SRGAP2: variants seen among roughly 807,000 people sequenced by gnomAD.
The protein encoded by SRGAP2 is SLIT-ROBO Rho GTPase-activating protein 2.
In SRGAP2, 15 loss-of-function variants were observed where a neutral mutation model predicts 57.2. The ratio of observed to expected loss-of-function variants is 0.26; its 90% CI spans 0.18 to 0.40. The LOEUF (loss-of-function observed/expected upper bound fraction) is 0.40, where lower values mean the gene tolerates loss of function less well. Ranked by LOEUF, SRGAP2 falls within the 10% of genes least tolerant of loss-of-function variation. The pLI is 1.00. For missense variants in SRGAP2, 520 were observed against 669.6 expected (o/e 0.78, Z 2.47); for synonymous variants, 249 against 248.0 (o/e 1.00, Z -0.04).
intron 4 of SRGAP2, among the ~76,000 whole-genome samples, chr1:206,370,655 T>A (rs1654455660): frequency 6.6e-6 from 1 of 152,168 alleles, no homozygotes; most frequent in Non-Finnish European, 1.5e-5. Context: ...TGATTAAATA[T>A]TCGGGACTTA....
chr1:206,414,483 C>T lies in SRGAP2; in HGVS notation c.1357-1406C>T, dbSNP rs529705707. ...TTAAAATGGTGCATCCACCTATCTA[C>T]CTCAGTGATCTCATATATCACCAGT... On this transcript the variant is annotated intron_variant, in intron 10 of 22. Transcript: ENST00000573034. Among the ~76,000 whole-genome samples the T allele has an allele frequency of 7.2e-5, 11 of 152,274 alleles. No homozygotes were observed. The East Asian group carries it at 2.1e-3, about 29-fold the overall frequency.
At chr1:206,457,689 G>T (rs1553378903) in intron 21 of SRGAP2, among the ~76,000 whole-genome samples, 1 of 152,196 alleles carries the variant, frequency 6.6e-6, no homozygotes, top group African/African-American at 2.4e-5. Context: ...CAGTGAACAG[G>T]ACTAGGACTG....
intron 16 of SRGAP2, among the ~76,000 whole-genome samples, chr1:206,439,565 A>G (rs1430616508): frequency 2.6e-5 from 4 of 152,038 alleles, no homozygotes; most frequent in Non-Finnish European, 5.9e-5. Flanking sequence ...GGTTGTTTGA[A>G]TAAGAGGGTG....
chr1:206,454,919 T>C lies in SRGAP2; in HGVS notation c.2402T>C (p.Ile801Thr). 2 of 780,344 alleles carry C rather than the reference T, an allele frequency of 2.6e-6. No individual in the cohort carries two copies. The highest frequency in any genetic ancestry group is 1.7e-5 in the African/African-American group (1 of 59,230). 48.3% of individuals were successfully genotyped at this position (780,344 alleles called of 1,614,324 possible). A position where few individuals can be genotyped will look rare whatever the true frequency, so the allele number is the denominator to read the frequency against. ...GAGAGGTCCAGCCCCAAGTCTGAGA[T>C]TGAGGTCATTTCTGAGCCACCTGAA... The part of the protein sequence containing the change: ...VVERSSPKSE[I>T]EVISEPPEEK... Residue 801 changes from isoleucine to threonine, a missense_variant, in exon 21 of 23, where the codon ATT (isoleucine) becomes ACT (threonine). This residue lies in a region of SRGAP2 where 478 missense variants were observed against 373.6 expected (regional missense o/e 1.28). Transcript: ENST00000573034. This position sits in a 1 kb window ranked among gnomAD's most constrained non-coding sequence, Gnocchi z 4.3.
intron 4 of SRGAP2, among the ~76,000 whole-genome samples, chr1:206,383,195 T>C (rs1333113388): frequency 1.4e-5 from 2 of 147,852 alleles, no homozygotes; most frequent in Non-Finnish European, 3.0e-5. Context: ...CGGCTAATTT[T>C]TGTATTTTTA....
intron 2 of SRGAP2, among the ~76,000 whole-genome samples, chr1:206,261,006 T>G (rs1669518985): frequency 6.6e-6 from 1 of 151,914 alleles, no homozygotes; most frequent in African/African-American, 2.4e-5. Context: ...TACTGTTCTA[T>G]CTCAGGTTTA....
At chr1:206,385,970 A>G (rs2103070595) in intron 5 of SRGAP2, among the ~76,000 whole-genome samples, 1 of 152,350 alleles carries the variant, frequency 6.6e-6, no homozygotes, top group African/African-American at 2.4e-5. Flanking sequence ...CTAGTAGGCA[A>G]TGGAAAGAGG....
At chr1:206,319,851 C>G (rs1312818941) in intron 3 of SRGAP2, among the ~76,000 whole-genome samples, 1 of 147,388 alleles carries the variant, frequency 6.8e-6, no homozygotes, top group African/African-American at 2.7e-5. Flanking sequence ...CTCTGTTGCC[C>G]AGGCTGGGGT....
rs1297207235 is a variant in SRGAP2 at position 206,307,352 on chromosome 1, C to A, written c.260+3879C>A. On this transcript the variant is annotated intron_variant, in intron 3 of 22. Coordinates refer to ENST00000573034, the MANE Select transcript of SRGAP2 (RefSeq NM_015326.5). ...TCCCTGAGCTACATATAAAGACTCT[C>A]CATGTCCCCACCAGACTCAGGAGCC... Among the ~76,000 whole-genome samples the A allele has an allele frequency of 6.4e-3, 982 of 152,400 alleles. 5 individuals are homozygous for A. The highest frequency in any genetic ancestry group is 0.023 in the African/African-American group (950 of 41,596).
intron 2 of SRGAP2, among the ~76,000 whole-genome samples, chr1:206,302,597 T>C (rs1285568100): frequency 6.6e-6 from 1 of 152,244 alleles, no homozygotes; most frequent in Non-Finnish European, 1.5e-5. Flanking sequence ...TTCTGTGATA[T>C]TGGAAACTGT....
At chr1:206,254,328 G>A (rs782014509) in intron 2 of SRGAP2, among the ~76,000 whole-genome samples, 4 of 147,834 alleles carry the variant, frequency 2.7e-5, no homozygotes, top group African/African-American at 5.1e-5. Flanking sequence ...AAACATTTAC[G>A]TTTGTACAGG....
At chr1:206,251,297 A>G (rs1668816374) in intron 2 of SRGAP2, among the ~76,000 whole-genome samples, 1 of 151,762 alleles carries the variant, frequency 6.6e-6, no homozygotes, top group Admixed American at 6.6e-5. Flanking sequence ...GGTTAAGGGA[A>G]GTTCAAGTCT....
rs1665879428 is a variant in SRGAP2, at chr1:206,205,943, A to T, written c.-28A>T. The T allele has an allele frequency of 6.6e-7, 1 of 1,524,772 alleles. No individual in the cohort carries two copies. The allele number at this position is 1,524,772 out of a possible 1,614,324, so 94.5% of individuals were successfully genotyped here. ...TTTTCCGTGGATCTATCAATTCACA[A>T]TTCGAATTTGGAAGAAAGAAGGAAA... is the stretch of plus-strand genomic sequence containing the variant. On this transcript the variant is annotated 5_prime_UTR_variant, in exon 2 of 23. Coordinates refer to ENST00000573034, the MANE Select transcript of SRGAP2 (RefSeq NM_015326.5).
intron 4 of SRGAP2, among the ~76,000 whole-genome samples, chr1:206,373,716 A>G (rs1407858756): frequency 1.3e-5 from 1 of 78,626 alleles, no homozygotes; most frequent in Non-Finnish European, 2.5e-5. Flanking sequence ...GCCTGGTGAT[A>G]GAGCGAGACT....
At chr1:206,248,740 A>C (rs1321118281) in intron 2 of SRGAP2, among the ~76,000 whole-genome samples, 9 of 151,306 alleles carry the variant, frequency 5.9e-5, no homozygotes, top group African/African-American at 2.2e-4. Flanking sequence ...AGATTTTCCA[A>C]GATCATCCTG....
chr1:206,245,365 A>AT (rs1209664007), intron 2 of SRGAP2, among the ~76,000 whole-genome samples: 7 of 151,554 alleles, frequency 4.6e-5, no homozygotes, highest in African/African-American at 9.7e-5. Flanking sequence ...TTTGCTACTA[A>AT]TTTTTTTGTG....
At chr1:206,287,107 A>G (rs2102705385) in intron 2 of SRGAP2, among the ~76,000 whole-genome samples, 2 of 152,336 alleles carry the variant, frequency 1.3e-5, no homozygotes, top group African/African-American at 4.8e-5. Context: ...TGGAGCTGAT[A>G]GGATTTGCTC....
intron 22 of SRGAP2, among the ~76,000 whole-genome samples, chr1:206,459,697 A>AT (rs1272107557): frequency 6.6e-6 from 1 of 152,180 alleles, no homozygotes; most frequent in African/African-American, 2.4e-5. Context: ...CTAAGGGCTT[A>AT]TTGTTGCCTT....
rs1280694545 is a variant in SRGAP2, at chr1:206,396,013, C to G, written c.831+2340C>G. On this transcript the variant is annotated intron_variant, in intron 7 of 22. Transcript: ENST00000573034. ...TTTTTTTTTTTTTGAGAAGGAGTCTCTCTCTGTCGCCCAGGCTGGAGTACG... is the reference window on the plus strand; with the variant it reads ...TTTTTTTTTTTTTGAGAAGGAGTCTGTCTCTGTCGCCCAGGCTGGAGTACG... Among the ~76,000 whole-genome samples the G allele has an allele frequency of 1.5e-4, 21 of 144,794 alleles. 1 individual carries two copies. Among genetic ancestry groups the G allele is most frequent in the African/African-American group, 5.0e-4 (19 of 38,168 alleles). The allele number at this position is 144,794 out of a possible 152,430, so 95.0% of individuals were successfully genotyped here. A position where few individuals can be genotyped will look rare whatever the true frequency, so the allele number is the denominator to read the frequency against.
Sources: gnomAD v4.1 joint callset for allele counts (sites outside exome capture counted in the v4.1 genomes callset) on GRCh38, gnomAD v4.1.1 for gene constraint, gnomAD v4.1.1 regional missense constraint, Gnocchi (gnomAD v3.1) non-coding constraint, MANE v1.5 for transcripts, NCBI Gene and HGNC (gene_info 2026-07-23, HGNC 2026-07-21) for gene names.